Variants in UBE2R2 observed in about 807,000 individuals in gnomAD.
The protein encoded by UBE2R2 is ubiquitin-conjugating enzyme E2 R2.
In UBE2R2, 1 loss-of-function variant was observed where a neutral mutation model predicts 27.8. The observed-to-expected ratio is 0.04, with a 90% confidence interval of 0.01 to 0.17. The LOEUF (loss-of-function observed/expected upper bound fraction) is 0.17. UBE2R2 is among the 10% of genes least tolerant of loss of function. UBE2R2 has a pLI of 1.00. For synonymous variants in UBE2R2, 106 were observed against 113.3 expected (o/e 0.94, Z 0.41); for missense variants, 100 against 291.0 (o/e 0.34, Z 4.78).
chr9:33,860,962 TTTG>T (rs1390469084), intron 1 of UBE2R2, among the ~76,000 whole-genome samples: 2 of 149,658 alleles, frequency 1.3e-5, no homozygotes, highest in African/African-American at 2.5e-5. Flanking sequence ...TTGTTTGTTT[TTTG>T]TTTTTTTTTT....
intron 3 of UBE2R2, among the ~76,000 whole-genome samples, chr9:33,902,460 T>C (rs1328599851): frequency 6.6e-6 from 1 of 152,196 alleles, no homozygotes; most frequent in African/African-American, 2.4e-5. Context: ...CCTGGCTGGC[T>C]TGGGTTGCAG....
At chr9:33,908,712 AG>A (rs1364306868) in intron 3 of UBE2R2, among the ~76,000 whole-genome samples, 1 of 152,262 alleles carries the variant, frequency 6.6e-6, no homozygotes, top group African/African-American at 2.4e-5. Flanking sequence ...ACAAGATGTA[AG>A]AAAACCAACT....
rs201657257 is a variant in UBE2R2, at chr9:33,847,354, CA to C, written c.177+29423del. Among the ~76,000 whole-genome samples, 114 of 152,318 alleles carry C rather than the reference CA, an allele frequency of 7.5e-4. 1 individual carries two copies. The East Asian group carries it at 0.02, about 27-fold the overall frequency. On this transcript the variant is annotated intron_variant, in intron 1 of 4. Transcript: ENST00000263228. ...CAAGTGATCTCCTGCTTCAGCCTCC[CA>C]AAGTGCTGGGATTAGAGGCGTGTGC...
chr9:33,827,066 C>T (rs534416700), intron 1 of UBE2R2, among the ~76,000 whole-genome samples: 4 of 152,296 alleles, frequency 2.6e-5, no homozygotes, highest in East Asian at 1.9e-4. Context: ...CGCGCCACTG[C>T]GCTCCAGCCT....
At chr9:33,843,722 G>T (rs2130743043) in intron 1 of UBE2R2, among the ~76,000 whole-genome samples, 1 of 152,054 alleles carries the variant, frequency 6.6e-6, no homozygotes, top group African/African-American at 2.4e-5. Flanking sequence ...CAAATGATCT[G>T]CCTTGGCCTC....
chr9:33,880,010 C>G (rs1821697864), intron 1 of UBE2R2, among the ~76,000 whole-genome samples: 1 of 151,574 alleles, frequency 6.6e-6, no homozygotes, highest in Non-Finnish European at 1.5e-5. Flanking sequence ...CTCAGCCTCC[C>G]AAGTAGCTGG....
chr9:33,896,413 C>CA (rs1311506411), intron 2 of UBE2R2, among the ~76,000 whole-genome samples: 2 of 151,740 alleles, frequency 1.3e-5, no homozygotes, highest in African/African-American at 4.8e-5. Context: ...TCACCATTGT[C>CA]ACCACTGAGT....
chr9:33,837,085 G>A (rs1343637533), intron 1 of UBE2R2, among the ~76,000 whole-genome samples: 1 of 151,926 alleles, frequency 6.6e-6, no homozygotes, highest in East Asian at 1.9e-4. Context: ...TTTCAGCATT[G>A]GGAAATTTTC....
rs1294523033 is a variant in UBE2R2, at chr9:33,919,123, T to A, written c.*1886T>A. 1 of 152,372 alleles carries A rather than the reference T, an allele frequency of 6.6e-6. No individual in the cohort carries two copies. The highest frequency in any genetic ancestry group is 1.5e-5 in the Non-Finnish European group (1 of 68,058). The allele number at this position is 152,372 out of a possible 1,614,324, so 9.4% of individuals were successfully genotyped here. ...TGCACCCAGAATCTAGTGATTTTAG[T>A]CAGATCCATGGAACAGAGCAGCTTC... On this transcript the variant is annotated 3_prime_UTR_variant, in exon 5 of 5. Coordinates refer to ENST00000263228, the MANE Select transcript of UBE2R2 (RefSeq NM_017811.4).
intron 1 of UBE2R2, among the ~76,000 whole-genome samples, chr9:33,883,159 C>A (rs1351329989): frequency 6.6e-6 from 1 of 152,130 alleles, no homozygotes; most frequent in East Asian, 1.9e-4. Flanking sequence ...TTTTTGGTGT[C>A]ACGTGTACAA....
At chr9:33,838,254 C>CTT (rs140248074) in intron 1 of UBE2R2, among the ~76,000 whole-genome samples, 1 of 138,578 alleles carries the variant, frequency 7.2e-6, no homozygotes, top group Non-Finnish European at 1.6e-5. Flanking sequence ...TTTTTTATTG[C>CTT]TTTTTTTACT....
intron 1 of UBE2R2, among the ~76,000 whole-genome samples, chr9:33,878,358 G>C (rs72725402): frequency 0.079 from 12,004 of 152,218 alleles, 684 homozygotes; most frequent in Non-Finnish European, 0.12. Flanking sequence ...GCTCACGCCT[G>C]TAATCCCAGC....
intron 1 of UBE2R2, among the ~76,000 whole-genome samples, chr9:33,862,563 A>G (rs1046964486): frequency 1.3e-5 from 2 of 152,056 alleles, no homozygotes; most frequent in African/African-American, 4.8e-5. Flanking sequence ...ATGCTATCCT[A>G]TATTTTTTAA....
intron 4 of UBE2R2, 98 bp downstream of exon 4, chr9:33,912,196 G>A: frequency 2.8e-6 from 3 of 1,089,352 alleles, no homozygotes; most frequent in Non-Finnish European, 3.9e-6. Context: ...TCCATTCCAG[G>A]ATAATTTTCC....
At chr9:33,889,194 A>T (rs941526496) in intron 2 of UBE2R2, among the ~76,000 whole-genome samples, 1 of 152,148 alleles carries the variant, frequency 6.6e-6, no homozygotes, top group African/African-American at 2.4e-5. Context: ...GTCTTAGTAC[A>T]TTTGCTTAGA....
intron 1 of UBE2R2, among the ~76,000 whole-genome samples, chr9:33,853,774 ATTT>A (rs749498528): frequency 9.8e-5 from 11 of 112,236 alleles, no homozygotes; most frequent in African/African-American, 1.1e-4. Context: ...CTTCCTTCCA[ATTT>A]TTTTTTTTTT....
At chr9:33,867,239 T>A (rs188776528) in intron 1 of UBE2R2, among the ~76,000 whole-genome samples, 54 of 152,296 alleles carry the variant, frequency 3.5e-4, no homozygotes, top group Non-Finnish European at 6.2e-4. Flanking sequence ...CTTTGTCATA[T>A]ATGTTGATGT....
intron 1 of UBE2R2, among the ~76,000 whole-genome samples, chr9:33,848,376 TAC>T (rs1820890886): frequency 6.6e-6 from 1 of 152,182 alleles, no homozygotes; most frequent in African/African-American, 2.4e-5. Flanking sequence ...TTAAATTGTA[TAC>T]AGACTTTGCA....
At chr9:33,899,682 A>G (rs1022373209) in intron 2 of UBE2R2, among the ~76,000 whole-genome samples, 17 of 150,414 alleles carry the variant, frequency 1.1e-4, no homozygotes, top group African/African-American at 3.9e-4. Flanking sequence ...CAATTTTTGT[A>G]TTTTTGGTAG....
Sources: gnomAD v4.1 joint callset for allele counts (sites outside exome capture counted in the v4.1 genomes callset) on GRCh38, gnomAD v4.1.1 for gene constraint, MANE v1.5 for transcripts, NCBI Gene and HGNC (gene_info 2026-07-23, HGNC 2026-07-21) for gene names.